Variants in STK3 observed in about 807,000 individuals in gnomAD.
The protein encoded by STK3 is serine/threonine-protein kinase 3.
In STK3, 41 loss-of-function variants were observed where a neutral mutation model predicts 58.0. The ratio of observed to expected loss-of-function variants is 0.71; its 90% confidence interval spans 0.55 to 0.92. The LOEUF (loss-of-function observed/expected upper bound fraction) is 0.92, where lower values mean the gene tolerates loss of function less well. STK3 is among the 40% of genes least tolerant of loss of function. The pLI is 0.00. For synonymous variants in STK3, 170 were observed against 191.0 expected, an observed-to-expected ratio of 0.89 and a Z score of 0.91; for missense variants, 479 against 602.7, an observed-to-expected ratio of 0.79 and a Z score of 2.15.
intron 1 of STK3, among the ~76,000 whole-genome samples, chr8:98,907,533 A>C (rs927862731): frequency 3.9e-5 from 6 of 152,176 alleles, no homozygotes; most frequent in African/African-American, 9.7e-5. Context: ...AACAAACAAA[A>C]AAATAACCTC....
chr8:98,582,351 T>A (rs192328820), intron 7 of STK3, among the ~76,000 whole-genome samples: 1 of 152,106 alleles, frequency 6.6e-6, no homozygotes, highest in African/African-American at 2.4e-5. Flanking sequence ...TATTTTTTAG[T>A]TTCCGTTTTT....
chr8:98,418,713 A>G (rs945537068), intron 3 of STK3, among the ~76,000 whole-genome samples: 2 of 152,176 alleles, frequency 1.3e-5, no homozygotes, highest in Non-Finnish European at 2.9e-5. Context: ...GAAGGAGTAG[A>G]GGTCAAGGGA....
intron 3 of STK3, among the ~76,000 whole-genome samples, chr8:98,842,620 G>A (rs1836039956): frequency 6.6e-6 from 1 of 152,202 alleles, no homozygotes; most frequent in Non-Finnish European, 1.5e-5. Flanking sequence ...TGAGGCTGCA[G>A]TGAGCCTTGA....
intron 6 of STK3, among the ~76,000 whole-genome samples, chr8:98,630,640 A>AAGG (rs1271826873): frequency 1.3e-5 from 2 of 150,042 alleles, no homozygotes; most frequent in African/African-American, 5.0e-5. Context: ...GGAACAGAAG[A>AAGG]AGAAGGAGAA....
chr8:98,776,879 T>C (rs1260009210), intron 1 of STK3, among the ~76,000 whole-genome samples: 4 of 151,506 alleles, frequency 2.6e-5, no homozygotes, highest in African/African-American at 9.7e-5. Context: ...TGAAACCCCG[T>C]CTCTACTAAA....
chr8:98,874,574 T>C (rs6994994), intron 3 of STK3, among the ~76,000 whole-genome samples: 10,436 of 152,196 alleles, frequency 0.069, 431 homozygotes, highest in South Asian at 0.1. Context: ...TATATATCTA[T>C]ATCTATCTAT....
At chr8:98,424,648 G>C (rs1818208235) in intron 3 of STK3, among the ~76,000 whole-genome samples, 1 of 152,224 alleles carries the variant, frequency 6.6e-6, no homozygotes, top group Non-Finnish European at 1.5e-5. Context: ...GAGGATGAAG[G>C]AGAAAGAACA....
chr8:98,370,110 A>T (rs551896814), downstream of STK3, among the ~76,000 whole-genome samples: 159 of 100,166 alleles, frequency 1.6e-3, 2 homozygotes, highest in East Asian at 0.025. Flanking sequence ...TTTTTTTTTT[A>T]CAAGCTGGGA....
chr8:98,793,367 T>C (rs1051633524), intron 1 of STK3, among the ~76,000 whole-genome samples: 5 of 151,750 alleles, frequency 3.3e-5, no homozygotes, highest in Non-Finnish European at 4.4e-5. Context: ...AGAAACCCCA[T>C]CTCTACAAAA....
the STK3 span, among the ~76,000 whole-genome samples, chr8:98,352,620 A>G: frequency 4.6e-5 from 7 of 152,324 alleles, no homozygotes; most frequent in African/African-American, 1.7e-4. Flanking sequence ...TGTAACATCA[A>G]AGAGAGACTT....
Position 98,639,603 on chromosome 8 carries a change from T to G in STK3, c.685-43434A>C, listed in dbSNP as rs183087869. 3.7e-3 allele frequency among the ~76,000 whole-genome samples: 558 copies of G among 152,358 alleles called. 3 individuals are homozygous for G. Among genetic ancestry groups the G allele is most frequent in the Non-Finnish European group, 4.6e-3 (316 of 68,040 alleles). On this transcript the variant is annotated intron_variant, in intron 6 of 10. Transcript: ENST00000419617. ...TACTTTCAATAAGCTTCATGACTATTAATGCTTTGGGGAAAACTTACTTTT... is the reference window on the plus strand; with the variant it reads ...TACTTTCAATAAGCTTCATGACTATGAATGCTTTGGGGAAAACTTACTTTT...
chr8:98,348,361 A>G, the STK3 span, among the ~76,000 whole-genome samples: 1 of 152,354 alleles, frequency 6.6e-6, no homozygotes, highest in East Asian at 1.9e-4. Flanking sequence ...GGGATTTGGC[A>G]ATAACTTTTA....
At chr8:98,631,934 G>C (rs1563827355) in intron 6 of STK3, among the ~76,000 whole-genome samples, 1 of 152,232 alleles carries the variant, frequency 6.6e-6, no homozygotes, top group Non-Finnish European at 1.5e-5. Flanking sequence ...CAAAGTGCTG[G>C]GATTACAGGC....
intron 1 of STK3, among the ~76,000 whole-genome samples, chr8:98,896,791 C>T (rs1489439427): frequency 6.6e-6 from 1 of 151,954 alleles, no homozygotes; most frequent in African/African-American, 2.4e-5. Context: ...CCAGCCTGGG[C>T]AACATAGTGA....
chr8:98,562,305 T>C (rs1475371088), intron 8 of STK3, among the ~76,000 whole-genome samples: 1 of 152,194 alleles, frequency 6.6e-6, no homozygotes, highest in Non-Finnish European at 1.5e-5. Flanking sequence ...TGAACTGTCA[T>C]GTATCTCTGC....
chr8:98,782,036 G>A (rs907970858), intron 1 of STK3: 2 of 208,530 alleles, frequency 9.6e-6, no homozygotes, highest in Admixed American at 4.4e-5. Context: ...TGCAGCAGAC[G>A]CTGTGAGTAT....
chr8:98,867,336 C>A (rs986049831), intron 3 of STK3, among the ~76,000 whole-genome samples: 5 of 152,108 alleles, frequency 3.3e-5, no homozygotes, highest in African/African-American at 1.2e-4. Flanking sequence ...ATCACTTGAG[C>A]CTGGGAGGCG....
chr8:98,795,022 C>T (rs1020418793), intron 1 of STK3, among the ~76,000 whole-genome samples: 14 of 137,810 alleles, frequency 1.0e-4, no homozygotes, highest in South Asian at 4.8e-4. Context: ...GAGACGAGAT[C>T]GCGCCATTGC....
intron 3 of STK3, chr8:98,431,293 A>G (rs1818325551): frequency 6.0e-6 from 1 of 167,032 alleles, no homozygotes; most frequent in African/African-American, 2.4e-5. Flanking sequence ...AAATCTTTCC[A>G]TTGGACTGGA....
Sources: gnomAD v4.1 joint callset for allele counts (sites outside exome capture counted in the v4.1 genomes callset) on GRCh38, gnomAD v4.1.1 for gene constraint, MANE v1.5 for transcripts, NCBI Gene and HGNC (gene_info 2026-07-23, HGNC 2026-07-21) for gene names.